Variants in NIM1K observed in about 807,000 individuals in gnomAD.
NIM1K encodes serine/threonine-protein kinase NIM1.
NIM1K carries 35 observed loss-of-function variants against 37.1 expected under a neutral mutation model. That is an observed-to-expected ratio of 0.94 (90% CI 0.72 to 1.25). NIM1K has a LOEUF of 1.25. Among genes scored for constraint, NIM1K ranks in the 50% most tolerant of loss-of-function variants. The pLI, the probability that NIM1K is intolerant of heterozygous loss-of-function variation, is 0.00. For missense variants in NIM1K, 564 were observed against 548.0 expected, an observed-to-expected ratio of 1.03 and a Z score of -0.29; for synonymous variants, 234 against 206.6, an observed-to-expected ratio of 1.13 and a Z score of -1.14.
At chr5:43,206,408 G>A (rs1270401740) in intron 1 of NIM1K, among the ~76,000 whole-genome samples, 1 of 147,536 alleles carries the variant, frequency 6.8e-6, no homozygotes, top group Admixed American at 6.9e-5. Flanking sequence ...GCTTAAGGGA[G>A]AAGGATTGCT....
chr5:43,273,545 C>A (rs1753290905), intron 2 of NIM1K, among the ~76,000 whole-genome samples: 1 of 152,182 alleles, frequency 6.6e-6, no homozygotes, highest in South Asian at 2.1e-4. Flanking sequence ...AGATTACAAC[C>A]CTTTTTCTTA....
intron 1 of NIM1K, among the ~76,000 whole-genome samples, chr5:43,238,614 G>A (rs1395199841): frequency 6.6e-6 from 1 of 151,696 alleles, no homozygotes; most frequent in African/African-American, 2.4e-5. Flanking sequence ...TTCATTCTAA[G>A]CAGAATGCAC....
At chr5:43,240,868 A>T (rs1752690268) in intron 1 of NIM1K, among the ~76,000 whole-genome samples, 1 of 151,812 alleles carries the variant, frequency 6.6e-6, no homozygotes, top group African/African-American at 2.4e-5. Flanking sequence ...CACTTTATAA[A>T]CACTCTTCCC....
At chr5:43,220,022 G>A (rs1192318875) in intron 1 of NIM1K, among the ~76,000 whole-genome samples, 1 of 152,228 alleles carries the variant, frequency 6.6e-6, no homozygotes, top group East Asian at 1.9e-4. Context: ...ACCGTGCCCA[G>A]CCAATTGTGT....
chr5:43,280,290 C>A lies in NIM1K; in HGVS notation c.872C>A (p.Pro291Gln). 1 of 1,614,102 alleles carries A rather than the reference C, an allele frequency of 6.2e-7. No individual in the cohort carries two copies. Residue 291 changes from proline (P) to glutamine (Q), a missense_variant, in exon 4 of 4, where the codon CCG becomes CAG. Transcript: ENST00000326035. ...ATCCTCGAGGGCACATACAGTGTAC[C>A]GCCGCACGTGTCAGAGCCCTGCCAC... ...KSILEGTYSV[P>Q]PHVSEPCHRL... is the part of the protein sequence containing the mutation.
chr5:43,255,920 G>A (rs962477113), intron 2 of NIM1K, among the ~76,000 whole-genome samples: 2 of 151,510 alleles, frequency 1.3e-5, no homozygotes, highest in East Asian at 1.9e-4. Flanking sequence ...AGCAGAAGGC[G>A]TAGCAGGCGT....
At chr5:43,212,442 T>C (rs541991360) in intron 1 of NIM1K, among the ~76,000 whole-genome samples, 1 of 151,676 alleles carries the variant, frequency 6.6e-6, no homozygotes, top group Non-Finnish European at 1.5e-5. Context: ...CAAAAATAAA[T>C]CCCTCCACAG....
intron 2 of NIM1K, among the ~76,000 whole-genome samples, chr5:43,249,967 C>G (rs1752843871): frequency 6.6e-6 from 1 of 151,254 alleles, no homozygotes; most frequent in South Asian, 2.1e-4. Context: ...GTTCTCCTGC[C>G]TCAACCTCCC....
At position 43,206,661 on chromosome 5, in the gene NIM1K, C is replaced by T. The variant is rs550132255; in HGVS notation, c.-695+14250C>T. On this transcript the variant is annotated intron_variant, in intron 1 of 3. Coordinates refer to ENST00000326035, the MANE Select transcript of NIM1K (RefSeq NM_153361.4). ...CCTGCTGCAGCCTGACTCGGCCCCC[C>T]AGTCTCCCAAGGCCACTCCCCCAGG... 1.1e-4 allele frequency: 74 copies of T among 686,712 alleles called. 1 individual carries two copies. The highest frequency in any genetic ancestry group is 1.3e-4 in the Non-Finnish European group (48 of 368,616). 42.5% of individuals were successfully genotyped at this position (686,712 alleles called of 1,614,324 possible). A position where few individuals can be genotyped will look rare whatever the true frequency, so the allele number is the denominator to read the frequency against.
chr5:43,198,205 T>TCTCTC (rs1489452367), intron 1 of NIM1K, among the ~76,000 whole-genome samples: 1 of 40,916 alleles, frequency 2.4e-5, no homozygotes, highest in African/African-American at 1.0e-4. Context: ...CTTTCTTTCT[T>TCTCTC]TCTCTTTCTT....
chr5:43,193,556 A>G (rs930743754), intron 1 of NIM1K: 1 of 151,940 alleles, frequency 6.6e-6, no homozygotes, highest in Non-Finnish European at 1.5e-5. Flanking sequence ...AAATTACACA[A>G]ATCGCGTTTG....
intron 1 of NIM1K, among the ~76,000 whole-genome samples, chr5:43,204,703 T>TC (rs1554013136): frequency 1.6e-4 from 13 of 82,780 alleles, no homozygotes; most frequent in Non-Finnish European, 3.1e-4. Flanking sequence ...AGGCTCTGTC[T>TC]CAAAAAAAAA....
chr5:43,272,280 T>C (rs1034201984), intron 2 of NIM1K, among the ~76,000 whole-genome samples: 1 of 152,180 alleles, frequency 6.6e-6, no homozygotes, highest in African/African-American at 2.4e-5. Context: ...TCTAGCTAAC[T>C]CTTGGACTCC....
chr5:43,263,095 G>A (rs562297572), intron 2 of NIM1K, among the ~76,000 whole-genome samples: 1 of 152,182 alleles, frequency 6.6e-6, no homozygotes, highest in Non-Finnish European at 1.5e-5. Flanking sequence ...TCTCTTCCAG[G>A]TTTTGGTATT....
chr5:43,208,434 C>T (rs1752150088), intron 1 of NIM1K, among the ~76,000 whole-genome samples: 1 of 151,972 alleles, frequency 6.6e-6, no homozygotes, highest in Non-Finnish European at 1.5e-5. Flanking sequence ...GAAACCCTGT[C>T]TCTATTAAAA....
chr5:43,250,152 G>A (rs558228299), intron 2 of NIM1K, among the ~76,000 whole-genome samples: 5 of 151,776 alleles, frequency 3.3e-5, no homozygotes, highest in South Asian at 2.1e-4. Context: ...GCGCCTGGCC[G>A]GATTAGTTTT....
chr5:43,222,507 T>C (rs937138893), intron 1 of NIM1K, among the ~76,000 whole-genome samples: 4 of 151,990 alleles, frequency 2.6e-5, no homozygotes, highest in African/African-American at 9.6e-5. Context: ...AGTGGGAGGA[T>C]TGCTTAAGCC....
At chr5:43,240,079 T>C (rs939032588) in intron 1 of NIM1K, among the ~76,000 whole-genome samples, 2 of 151,964 alleles carry the variant, frequency 1.3e-5, no homozygotes, top group Non-Finnish European at 2.9e-5. Context: ...TTTTCTTTTT[T>C]TCTTTCTTCT....
At chr5:43,271,658 C>CACTGATT (rs1267907080) in intron 2 of NIM1K, among the ~76,000 whole-genome samples, 1 of 152,142 alleles carries the variant, frequency 6.6e-6, no homozygotes, top group Non-Finnish European at 1.5e-5. Context: ...ATTCACTGAT[C>CACTGATT]TTATTAAGAT....
Sources: gnomAD v4.1 joint callset for allele counts (sites outside exome capture counted in the v4.1 genomes callset) on GRCh38, gnomAD v4.1.1 for gene constraint, MANE v1.5 for transcripts, NCBI Gene and HGNC (gene_info 2026-07-23, HGNC 2026-07-21) for gene names.